RNLS: variants seen among roughly 807,000 people sequenced by gnomAD.
The protein encoded by RNLS is renalase.
Under a neutral mutation model 39.8 loss-of-function variants are expected in RNLS, and 39 were observed. The observed-to-expected ratio is 0.98, with a 90% CI of 0.76 to 1.28. The LOEUF is 1.28. Ranked by LOEUF, RNLS falls within the 50% of genes most tolerant of loss-of-function variation. The probability of loss-of-function intolerance (pLI) is 0.00; values close to 1 mark genes in which losing one functional copy is unlikely to be tolerated. For synonymous variants in RNLS, 147 were observed against 150.7 expected, an observed-to-expected ratio of 0.98 and a Z score of 0.18; for missense variants, 410 against 413.3, an observed-to-expected ratio of 0.99 and a Z score of 0.07.
At chr10:88,378,480 T>G (rs1851204021) in intron 4 of RNLS, among the ~76,000 whole-genome samples, 1 of 152,182 alleles carries the variant, frequency 6.6e-6, no homozygotes, top group Admixed American at 6.5e-5. Flanking sequence ...TTTTAAAATA[T>G]TACTTTAACT....
chr10:88,256,276 C>T, the RNLS span, among the ~76,000 whole-genome samples: 1 of 152,182 alleles, frequency 6.6e-6, no homozygotes. Context: ...ACCCGCGTAC[C>T]ACCCGCCTGT....
intron 4 of RNLS, among the ~76,000 whole-genome samples, chr10:88,393,131 C>A (rs1420629998): frequency 6.6e-6 from 1 of 152,162 alleles, no homozygotes; most frequent in African/African-American, 2.4e-5. Flanking sequence ...AAAACTGGCA[C>A]AAGACAGGGA....
intron 4 of RNLS, among the ~76,000 whole-genome samples, chr10:88,383,204 G>A (rs1851658293): frequency 6.6e-6 from 1 of 152,044 alleles, no homozygotes; most frequent in South Asian, 2.1e-4. Context: ...AGAAACAATT[G>A]CTAAGTAGTA....
intron 4 of RNLS, among the ~76,000 whole-genome samples, chr10:88,526,422 A>T (rs1847103442): frequency 6.6e-6 from 1 of 152,026 alleles, no homozygotes; most frequent in African/African-American, 2.4e-5. Context: ...ATCTAAAAGG[A>T]CAAACAAAAC....
chr10:88,454,729 T>G (rs1035395663), intron 4 of RNLS, among the ~76,000 whole-genome samples: 3 of 152,182 alleles, frequency 2.0e-5, no homozygotes, highest in African/African-American at 7.2e-5. Flanking sequence ...TCAGACATCT[T>G]TCCCCTGTGA....
chr10:88,482,536 T>C (rs1316573656), intron 4 of RNLS, among the ~76,000 whole-genome samples: 1 of 152,164 alleles, frequency 6.6e-6, no homozygotes, highest in African/African-American at 2.4e-5. Context: ...TTGAGATTTA[T>C]TACTTGTTGA....
intron 4 of RNLS, among the ~76,000 whole-genome samples, chr10:88,513,878 T>C (rs895158780): frequency 1.3e-5 from 2 of 152,166 alleles, no homozygotes; most frequent in Non-Finnish European, 2.9e-5. Flanking sequence ...TTTAAATACA[T>C]GACAATACCA....
chr10:88,389,053 A>C (rs1852039711), intron 4 of RNLS, among the ~76,000 whole-genome samples: 1 of 152,068 alleles, frequency 6.6e-6, no homozygotes, highest in African/African-American at 2.4e-5. Context: ...TCATCTGGGG[A>C]GTTCTATGGA....
chr10:88,504,552 A>G (rs956593531), intron 4 of RNLS, among the ~76,000 whole-genome samples: 3 of 152,140 alleles, frequency 2.0e-5, no homozygotes, highest in Non-Finnish European at 4.4e-5. Context: ...GAAATAATTT[A>G]CATATTCAAA....
At chr10:88,313,640 C>A (rs1845543079) in intron 6 of RNLS, among the ~76,000 whole-genome samples, 1 of 152,154 alleles carries the variant, frequency 6.6e-6, no homozygotes, top group Admixed American at 6.6e-5. Context: ...TCCCACAACA[C>A]CACTTTTTCT....
In RNLS at chr10:88,406,532, G is replaced by T. The variant is rs181240965; in HGVS notation, c.527-43807C>A. On this transcript the variant is annotated intron_variant, in intron 4 of 6. Transcript: ENST00000331772. ...AATGCTATTGCTGAGACTTTCCAGA[G>T]CATTTCACATTTCCAAAAATGTGAC... Among the ~76,000 whole-genome samples the T allele has an allele frequency of 5.9e-5, 9 of 152,036 alleles. No individual in the cohort carries two copies. The East Asian group carries it at 1.4e-3, about 23-fold the overall frequency.
At chr10:88,497,031 A>C (rs1845212166) in intron 4 of RNLS, among the ~76,000 whole-genome samples, 1 of 152,120 alleles carries the variant, frequency 6.6e-6, no homozygotes. Flanking sequence ...AAAAATGAAC[A>C]CATTATGTAA....
chr10:88,574,295 G>A (rs1850026438), intron 3 of RNLS, among the ~76,000 whole-genome samples: 1 of 152,104 alleles, frequency 6.6e-6, no homozygotes, highest in African/African-American at 2.4e-5. Flanking sequence ...AATGAAGATG[G>A]AATGAGGGAG....
intron 4 of RNLS, among the ~76,000 whole-genome samples, chr10:88,527,929 A>G (rs1286407235): frequency 6.6e-6 from 1 of 151,884 alleles, no homozygotes; most frequent in African/African-American, 2.4e-5. Flanking sequence ...AGGACACTAC[A>G]ATAAAAATAA....
chr10:88,505,549 T>C (rs533208987), intron 4 of RNLS, among the ~76,000 whole-genome samples: 1 of 150,138 alleles, frequency 6.7e-6, no homozygotes, highest in East Asian at 2.0e-4. Flanking sequence ...GAGGAGAGGG[T>C]GGGAGAGAAG....
At chr10:88,427,240 G>A (rs1454636181) in intron 4 of RNLS, among the ~76,000 whole-genome samples, 9 of 151,930 alleles carry the variant, frequency 5.9e-5, no homozygotes, top group Non-Finnish European at 8.8e-5. Flanking sequence ...TCAGCCTTGT[G>A]GATTCTACTG....
rs11202710 is a variant in RNLS at position 88,314,383 on chromosome 10, G to A, written c.876+83C>T. On this transcript the variant is annotated intron_variant, in intron 6 of 6. Transcript: ENST00000331772. ...CATAGTTAATTTATTTCACTAGAGA[G>A]TGCAAAGGATAAAGAAGTAACATCA... 0.34 allele frequency: 466,355 copies of A among 1,371,064 alleles called. 81,710 individuals carry two copies. Among genetic ancestry groups the A allele is most frequent in the South Asian group, 0.41 (30,523 of 74,916 alleles). 84.9% of individuals were successfully genotyped at this position (1,371,064 alleles called of 1,614,324 possible).
the RNLS span, among the ~76,000 whole-genome samples, chr10:88,213,827 A>G: frequency 5.7e-4 from 87 of 152,314 alleles, 1 homozygote; most frequent in South Asian, 2.5e-3. Context: ...CGATTTGCTT[A>G]TGCCTAGTTT....
At chr10:88,499,750 T>C (rs1845369239) in intron 4 of RNLS, among the ~76,000 whole-genome samples, 1 of 152,116 alleles carries the variant, frequency 6.6e-6, no homozygotes, top group African/African-American at 2.4e-5. Flanking sequence ...ACCTGGGCAA[T>C]CAACTTCTGC....
Sources: gnomAD v4.1 joint callset for allele counts (sites outside exome capture counted in the v4.1 genomes callset) on GRCh38, gnomAD v4.1.1 for gene constraint, MANE v1.5 for transcripts, NCBI Gene and HGNC (gene_info 2026-07-23, HGNC 2026-07-21) for gene names.